Variants in MORC1 observed in about 807,000 individuals in gnomAD.
The protein encoded by MORC1 is MORC family CW-type zinc finger protein 1.
In MORC1, 59 loss-of-function variants were observed where a neutral mutation model predicts 134.9. The ratio of observed to expected loss-of-function variants is 0.44; its 90% CI spans 0.35 to 0.54. The LOEUF is 0.54. Among genes scored for constraint, MORC1 ranks in the 20% least tolerant of loss-of-function variants. The pLI is 0.00. For missense variants in MORC1, 947 were observed against 1,134.5 expected (o/e 0.83, Z 2.37); for synonymous variants, 395 against 391.7 (o/e 1.01, Z -0.10).
chr3:109,021,734 C>G (rs1375666353), intron 17 of MORC1, among the ~76,000 whole-genome samples: 2 of 152,172 alleles, frequency 1.3e-5, no homozygotes. Context: ...TTTAGTAAAC[C>G]ACAAATGCTG....
In MORC1 at chr3:109,000,626, ACT is replaced by A. The variant is rs1948378906; in HGVS notation, c.2116_2117del (p.Leu707GlufsTer7). On this transcript the variant is annotated frameshift_variant, in exon 21 of 28. Coordinates refer to ENST00000232603, the MANE Select transcript of MORC1 (RefSeq NM_014429.4). LOFTEE classifies it high-confidence loss of function. ...CCTTACATTCCTCTACAAAGTTCAG[ACT>A]CTGCTTCCTTTTCATTTCCCAAGAA... ...AASWEMKRKQSLNFVEECKVL... is the reference protein window; with the variant it reads ...AASWEMKRKQXLNFVEECKVL... 1 of 1,610,970 alleles carries A rather than the reference ACT, an allele frequency of 6.2e-7. No individual in the cohort carries two copies. Among genetic ancestry groups the A allele is most frequent in the Non-Finnish European group, 8.5e-7 (1 of 1,178,954 alleles).
At chr3:108,962,226 C>CT (rs1435218010) in intron 27 of MORC1, among the ~76,000 whole-genome samples, 2 of 151,526 alleles carry the variant, frequency 1.3e-5, no homozygotes, top group East Asian at 1.9e-4. Flanking sequence ...GTTGCCTAGA[C>CT]CATCAAAGGG....
intron 17 of MORC1, among the ~76,000 whole-genome samples, chr3:109,013,533 C>T (rs945489425): frequency 1.6e-4 from 25 of 152,178 alleles, no homozygotes; most frequent in African/African-American, 6.0e-4. Flanking sequence ...CTGGCTATTG[C>T]AGATAACGGC....
intron 8 of MORC1, among the ~76,000 whole-genome samples, chr3:109,086,370 T>C (rs149249628): frequency 1.3e-5 from 2 of 152,168 alleles, no homozygotes; most frequent in African/African-American, 4.8e-5. Flanking sequence ...TTTACCAATA[T>C]ACTCTTTTAA....
intron 16 of MORC1, among the ~76,000 whole-genome samples, chr3:109,030,854 C>A (rs1949225470): frequency 6.6e-6 from 1 of 152,086 alleles, no homozygotes; most frequent in Non-Finnish European, 1.5e-5. Context: ...CATTCTAACA[C>A]AAAGAAATGA....
intron 8 of MORC1, among the ~76,000 whole-genome samples, chr3:109,078,818 G>C (rs1950471780): frequency 6.6e-6 from 1 of 151,646 alleles, no homozygotes; most frequent in African/African-American, 2.4e-5. Flanking sequence ...AAGAAAAAGT[G>C]AACAAAATCT....
rs72935385 is a variant in MORC1 at position 109,087,751 on chromosome 3, A to C, written c.689+5685T>G. Among the ~76,000 whole-genome samples, 715 of 152,258 alleles carry C rather than the reference A, an allele frequency of 4.7e-3. 8 individuals are homozygous for C. Among genetic ancestry groups the C allele is most frequent in the African/African-American group, 0.015 (625 of 41,520 alleles). ...CTTAAAATTCATACAGAACCAAAAA[A>C]AGAGCCTGACTAGCCAAAGCAATCC... On this transcript the variant is annotated intron_variant, in intron 8 of 27. Transcript: ENST00000232603.
At chr3:108,991,075 G>C (rs1289951763) in intron 21 of MORC1, among the ~76,000 whole-genome samples, 2 of 152,172 alleles carry the variant, frequency 1.3e-5, no homozygotes, top group Non-Finnish European at 2.9e-5. Flanking sequence ...ATGAGCAGTG[G>C]GGTCTGTAGC....
chr3:109,023,842 A>C (rs1349700401), intron 17 of MORC1, among the ~76,000 whole-genome samples: 1 of 152,226 alleles, frequency 6.6e-6, no homozygotes, highest in African/African-American at 2.4e-5. Flanking sequence ...ATAGAAATAA[A>C]AGCTTCATCA....
At chr3:109,044,340 C>A (rs1344390954) in intron 14 of MORC1, among the ~76,000 whole-genome samples, 1 of 151,042 alleles carries the variant, frequency 6.6e-6, no homozygotes, top group Non-Finnish European at 1.5e-5. Context: ...GGGCGGATCG[C>A]GAGGTCAGGA....
chr3:108,995,504 C>A (rs1228668602), intron 21 of MORC1, among the ~76,000 whole-genome samples: 2 of 152,172 alleles, frequency 1.3e-5, no homozygotes, highest in African/African-American at 4.8e-5. Context: ...AAAGCAACAA[C>A]AGCTCATGGA....
intron 14 of MORC1, among the ~76,000 whole-genome samples, chr3:109,040,518 GAAAC>G (rs1949513039): frequency 6.7e-6 from 1 of 148,786 alleles, no homozygotes; most frequent in African/African-American, 2.4e-5. Flanking sequence ...AAGGAAGAAA[GAAAC>G]AAAGAAATAA....
chr3:109,110,734 A>G lies in MORC1; in HGVS notation c.154+15T>C. The G allele has an allele frequency of 1.3e-6, 2 of 1,579,004 alleles. No individual in the cohort carries two copies. Among genetic ancestry groups the G allele is most frequent in the Non-Finnish European group, 1.7e-6 (2 of 1,168,832 alleles). On this transcript the variant is annotated intron_variant, in intron 3 of 27. Coordinates refer to ENST00000232603, the MANE Select transcript of MORC1 (RefSeq NM_014429.4). ...CCATTAGAAGAAAATAAAAGAAGAA[A>G]GCAAATCTGCTCACCTGAAAAGACA...
intron 21 of MORC1, among the ~76,000 whole-genome samples, chr3:108,999,744 G>C (rs1948345806): frequency 6.6e-6 from 1 of 152,114 alleles, no homozygotes; most frequent in Admixed American, 6.5e-5. Context: ...TTAAAGTTTA[G>C]CTATAAGCTT....
chr3:109,012,955 G>C (rs768876632), intron 17 of MORC1, among the ~76,000 whole-genome samples: 3 of 152,140 alleles, frequency 2.0e-5, no homozygotes, highest in Non-Finnish European at 2.9e-5. Context: ...GGAGGGGTGA[G>C]AGTGAAACTC....
intron 21 of MORC1, among the ~76,000 whole-genome samples, chr3:108,993,058 T>C (rs1393370307): frequency 6.6e-6 from 1 of 152,182 alleles, no homozygotes; most frequent in African/African-American, 2.4e-5. Flanking sequence ...ATATCAAAAT[T>C]TGACACAACT....
intron 21 of MORC1, among the ~76,000 whole-genome samples, chr3:108,998,563 C>T (rs1353053489): frequency 6.6e-6 from 1 of 152,126 alleles, no homozygotes; most frequent in African/African-American, 2.4e-5. Context: ...CACAGGGGCA[C>T]ATACACTCAC....
chr3:109,007,196 T>G (rs977970412), intron 17 of MORC1, 105 bp from the exon 18 acceptor site: 3 of 781,280 alleles, frequency 3.8e-6, no homozygotes, highest in Non-Finnish European at 6.2e-6. Context: ...AGGGTCAAGA[T>G]AGCAAACCCT....
At chr3:109,060,978 C>T (rs1420644468) in intron 11 of MORC1, among the ~76,000 whole-genome samples, 1 of 149,070 alleles carries the variant, frequency 6.7e-6, no homozygotes, top group African/African-American at 2.5e-5. Flanking sequence ...ATAGGTTTAC[C>T]CTTAATTTAA....
Sources: gnomAD v4.1 joint callset for allele counts (sites outside exome capture counted in the v4.1 genomes callset) on GRCh38, gnomAD v4.1.1 for gene constraint, MANE v1.5 for transcripts, NCBI Gene and HGNC (gene_info 2026-07-23, HGNC 2026-07-21) for gene names.